ZC3HAV1L: variants seen among roughly 807,000 people sequenced by gnomAD.
ZC3HAV1L encodes the protein zinc finger CCCH-type antiviral protein 1-like.
A neutral mutation model predicts 28.2 loss-of-function variants in ZC3HAV1L; 23 were observed. That is an observed-to-expected ratio of 0.82 (90% CI 0.59 to 1.16). The LOEUF (loss-of-function observed/expected upper bound fraction) is 1.16. Ranked by LOEUF, ZC3HAV1L falls within the 50% of genes most tolerant of loss-of-function variation. The pLI is 0.00. For synonymous variants in ZC3HAV1L, 180 were observed against 163.4 expected (o/e 1.10, Z -0.78); for missense variants, 376 against 387.7 (o/e 0.97, Z 0.25).
In ZC3HAV1L at chr7:139,027,987, ATTATAT is replaced by A. The variant is rs201006094; in HGVS notation, c.760+709_760+714del. Among the ~76,000 whole-genome samples, 1,076 of 152,238 alleles carry A rather than the reference ATTATAT, an allele frequency of 7.1e-3. 11 individuals are homozygous for A. Among genetic ancestry groups the A allele is most frequent in the African/African-American group, 0.024 (1,015 of 41,502 alleles). ...TACTTAAAAATTAACAAAGCCAAAAATTATATTTATGACAAGAAAGCCATCCCTACA... is the reference window on the plus strand; with the variant it reads ...TACTTAAAAATTAACAAAGCCAAAAATTATGACAAGAAAGCCATCCCTACA... On this transcript the variant is annotated intron_variant, in intron 3 of 4. Coordinates refer to ENST00000275766, the MANE Select transcript of ZC3HAV1L (RefSeq NM_080660.4).
intron 2 of ZC3HAV1L, among the ~76,000 whole-genome samples, chr7:139,031,058 T>C (rs1815517280): frequency 6.6e-6 from 1 of 152,168 alleles, no homozygotes. Flanking sequence ...TTTAATGCAA[T>C]TTCTACCCTT....
intron 3 of ZC3HAV1L, among the ~76,000 whole-genome samples, 193 bp from the exon 4 acceptor site, chr7:139,027,026 T>C (rs1028426003): frequency 2.6e-5 from 4 of 151,968 alleles, no homozygotes; most frequent in Non-Finnish European, 1.5e-5. Context: ...AAGCGGAAAG[T>C]CACTATGTCA....
At chr7:139,034,006 C>A in intron 2 of ZC3HAV1L, 1 of 985,394 alleles carries the variant, frequency 1.0e-6, no homozygotes, top group Non-Finnish European at 1.2e-6. Flanking sequence ...AAGAAACCTG[C>A]TTGTTCCTGA....
At chr7:139,034,408 G>T in intron 2 of ZC3HAV1L, 135 bp downstream of exon 2, 1 of 1,351,438 alleles carries the variant, frequency 7.4e-7, no homozygotes, top group South Asian at 1.5e-5. Flanking sequence ...ATTATAAAGG[G>T]TACCTTTAAA....
chr7:139,029,417 G>A (rs2077302164), intron 2 of ZC3HAV1L, among the ~76,000 whole-genome samples: 1 of 152,214 alleles, frequency 6.6e-6, no homozygotes, highest in African/African-American at 2.4e-5. Context: ...TTGGGGGAAA[G>A]CCTGATGATA....
At chr7:139,032,705 A>G (rs192077417) in intron 2 of ZC3HAV1L, among the ~76,000 whole-genome samples, 18 of 151,690 alleles carry the variant, frequency 1.2e-4, no homozygotes, top group African/African-American at 4.3e-4. Context: ...TAAAAAAATA[A>G]CATACTGTAT....
In ZC3HAV1L at chr7:139,034,593, TTTCA is replaced by T; in HGVS notation, c.447_450del (p.Asn149LysfsTer49). 1 of 1,614,088 alleles carries T rather than the reference TTTCA, an allele frequency of 6.2e-7. No homozygotes were observed. The highest frequency in any genetic ancestry group is 8.5e-7 in the Non-Finnish European group (1 of 1,179,992). The stretch of plus-strand genomic sequence containing the variant: ...TGCAAAAGCAGGATCCGAAGCTGGT[TTTCA>T]TTGAGACCAAAAAGTCCATGGCTTT... On this transcript the variant is annotated frameshift_variant, in exon 2 of 5. Coordinates refer to ENST00000275766, the MANE Select transcript of ZC3HAV1L (RefSeq NM_080660.4). LOFTEE classifies it high-confidence loss of function.
intron 3 of ZC3HAV1L, 134 bp downstream of exon 3, chr7:139,028,568 G>A: frequency 1.6e-6 from 2 of 1,223,294 alleles, no homozygotes; most frequent in Non-Finnish European, 2.3e-6. Flanking sequence ...ACTTTCCCAA[G>A]AACAAAGATG....
intron 2 of ZC3HAV1L, chr7:139,033,716 T>C: frequency 1.0e-6 from 1 of 985,234 alleles, no homozygotes; most frequent in Non-Finnish European, 1.2e-6. Context: ...TCGATAGATT[T>C]GACAAAATAA....
chr7:139,035,145 C>T (rs1161738406), intron 1 of ZC3HAV1L: 2 of 985,340 alleles, frequency 2.0e-6, no homozygotes, highest in East Asian at 1.1e-4. Flanking sequence ...AACCACAGGG[C>T]CTCACCCAAG....
chr7:139,034,997 A>G, intron 1 of ZC3HAV1L: 1 of 985,342 alleles, frequency 1.0e-6, no homozygotes, highest in Non-Finnish European at 1.2e-6. Flanking sequence ...CAGTCCACCA[A>G]CGTTAAAAAG....
At chr7:139,032,316 T>C (rs1815557602) in intron 2 of ZC3HAV1L, among the ~76,000 whole-genome samples, 1 of 152,022 alleles carries the variant, frequency 6.6e-6, no homozygotes, top group Non-Finnish European at 1.5e-5. Flanking sequence ...GGAAATCCAC[T>C]GTACGGCAAG....
chr7:139,026,958 C>T (rs1584817132), intron 3 of ZC3HAV1L, 125 bp from the exon 4 acceptor site: 3 of 1,114,778 alleles, frequency 2.7e-6, no homozygotes, highest in Middle Eastern at 2.1e-4. Flanking sequence ...GAGTTCATGT[C>T]TTCTGGATTT....
chr7:139,022,659 A>G (rs1815268483), downstream of ZC3HAV1L, among the ~76,000 whole-genome samples: 1 of 152,248 alleles, frequency 6.6e-6, no homozygotes, highest in Admixed American at 6.5e-5. Context: ...TTCACTACCA[A>G]GTGTTACAAT....
rs192726997 is a variant in ZC3HAV1L at position 139,034,611 on chromosome 7, G to C, written c.433C>G (p.Leu145Val). 62 of 1,614,074 alleles carry C rather than the reference G, an allele frequency of 3.8e-5. No individual in the cohort carries two copies. The highest frequency in any genetic ancestry group is 1.7e-4 in the Admixed American group (10 of 60,006). The part of the protein sequence containing the change: ...VNMQVLKSHG[L>V]FGLNENQLRI... The stretch of plus-strand genomic sequence containing the variant: ...AGCTGGTTTTCATTGAGACCAAAAA[G>C]TCCATGGCTTTTCAGGACCTGCATG... The change falls in exon 2 of 5, where the codon CTT (leucine) becomes GTT (valine). Residue 145 changes from leucine (L) to valine (V), a missense_variant. Coordinates refer to ENST00000275766, the MANE Select transcript of ZC3HAV1L (RefSeq NM_080660.4).
At chr7:139,026,948 G>A (rs1437652527) in intron 3 of ZC3HAV1L, 115 bp from the exon 4 acceptor site, 3 of 1,194,384 alleles carry the variant, frequency 2.5e-6, no homozygotes, top group Middle Eastern at 2.0e-4. Flanking sequence ...TGGATTTGGA[G>A]AGTTCATGTC....
intron 1 of ZC3HAV1L, chr7:139,035,313 C>G (rs957290177): frequency 1.9e-5 from 19 of 985,312 alleles, no homozygotes; most frequent in African/African-American, 1.9e-4. Context: ...CCACGCCCCC[C>G]ACCTCCCGCC....
At chr7:139,034,016 A>C in intron 2 of ZC3HAV1L, 1 of 985,466 alleles carries the variant, frequency 1.0e-6, no homozygotes, top group Non-Finnish European at 1.2e-6. Context: ...CTTGTTCCTG[A>C]GATCAACTCC....
At chr7:139,029,034 GCT>G in intron 2 of ZC3HAV1L, 74 bp from the exon 3 acceptor site, 1 of 1,490,968 alleles carries the variant, frequency 6.7e-7, no homozygotes, top group East Asian at 2.4e-5. Context: ...ATGGAGTCTC[GCT>G]CTGTCACCCA....
Sources: gnomAD v4.1 joint callset for allele counts (sites outside exome capture counted in the v4.1 genomes callset) on GRCh38, gnomAD v4.1.1 for gene constraint, MANE v1.5 for transcripts, NCBI Gene and HGNC (gene_info 2026-07-23, HGNC 2026-07-21) for gene names.